RORA: variants seen among roughly 807,000 people sequenced by gnomAD.
RORA encodes the protein nuclear receptor ROR-alpha.
RORA carries 7 observed loss-of-function variants against 69.5 expected under a neutral mutation model. The observed-to-expected ratio is 0.10, with a 90% CI of 0.06 to 0.19. The LOEUF (loss-of-function observed/expected upper bound fraction) is 0.19. RORA is among the 10% of genes least tolerant of loss of function. The pLI is 1.00. For synonymous variants in RORA, 261 were observed against 240.8 expected, an observed-to-expected ratio of 1.08 and a Z score of -0.78; for missense variants, 457 against 663.0, an observed-to-expected ratio of 0.69 and a Z score of 3.41.
intron 1 of RORA, among the ~76,000 whole-genome samples, chr15:60,891,294 C>A (rs960023225): frequency 6.6e-6 from 1 of 152,106 alleles, no homozygotes; most frequent in Non-Finnish European, 1.5e-5. Flanking sequence ...TGTATGTGCA[C>A]GTGTGTGTGC....
chr15:61,043,199 T>G (rs1896866232), intron 1 of RORA, among the ~76,000 whole-genome samples: 1 of 152,160 alleles, frequency 6.6e-6, no homozygotes, highest in Admixed American at 6.5e-5. Context: ...GGGCAAACAT[T>G]CTGCCCCACG....
intron 1 of RORA, among the ~76,000 whole-genome samples, chr15:61,022,450 C>G (rs1451511596): frequency 6.6e-6 from 1 of 152,116 alleles, no homozygotes; most frequent in African/African-American, 2.4e-5. Context: ...ACCTTATAGG[C>G]ACCATCTTTT....
intron 2 of RORA, among the ~76,000 whole-genome samples, chr15:60,566,894 G>C (rs1330746415): frequency 6.6e-6 from 1 of 152,132 alleles, no homozygotes; most frequent in East Asian, 1.9e-4. Context: ...GGGTAGCCAG[G>C]TTGGCGGGAC....
intron 1 of RORA, among the ~76,000 whole-genome samples, chr15:61,227,343 G>T (rs944334685): frequency 1.3e-5 from 2 of 151,866 alleles, no homozygotes; most frequent in Non-Finnish European, 2.9e-5. Context: ...GCAGCCAAAA[G>T]CTCCCCGCAC....
chr15:60,886,663 T>C (rs568479873), intron 1 of RORA, among the ~76,000 whole-genome samples: 3 of 152,152 alleles, frequency 2.0e-5, no homozygotes, highest in Non-Finnish European at 2.9e-5. Context: ...CTAACAGTAA[T>C]GAAAAAAGCA....
chr15:60,974,162 C>T (rs1447584256), intron 1 of RORA, among the ~76,000 whole-genome samples: 1 of 152,194 alleles, frequency 6.6e-6, no homozygotes, highest in Non-Finnish European at 1.5e-5. Context: ...CCCTGGCCCC[C>T]GTGGAACCCA....
intron 7 of RORA, 106 bp downstream of exon 7, chr15:60,503,429 A>G (rs888176981): frequency 1.8e-6 from 2 of 1,100,958 alleles, no homozygotes; most frequent in African/African-American, 1.6e-5. Context: ...AGCTATTATC[A>G]TTGGAGAAAA....
At chr15:61,088,468 G>A (rs190090202) in intron 1 of RORA, among the ~76,000 whole-genome samples, 3 of 152,292 alleles carry the variant, frequency 2.0e-5, no homozygotes, top group Admixed American at 1.3e-4. Context: ...AGCAAAAAGC[G>A]GTGGGGGATG....
chr15:60,779,910 C>T (rs575448610), intron 1 of RORA, among the ~76,000 whole-genome samples: 1 of 152,294 alleles, frequency 6.6e-6, no homozygotes, highest in African/African-American at 2.4e-5. Context: ...TGGAGACACT[C>T]AGATTTCAGC....
chr15:60,719,588 C>T (rs546071303), intron 1 of RORA, among the ~76,000 whole-genome samples: 1 of 152,182 alleles, frequency 6.6e-6, no homozygotes. Flanking sequence ...ATCTTATGTG[C>T]ATTCCTTTAA....
rs200871618 is a variant in RORA, at chr15:60,979,277, T to A, written c.166+249776A>T. ...CCGCACCTAGCCCTTGCTTTTTTTTTTTTTTTTTTTTTTTCCAAGAATATT... is the reference window on the plus strand; with the variant it reads ...CCGCACCTAGCCCTTGCTTTTTTTTATTTTTTTTTTTTTTCCAAGAATATT... On this transcript the variant is annotated intron_variant, in intron 1 of 10. Coordinates refer to ENST00000335670, the MANE Select transcript of RORA (RefSeq NM_134261.3). Among the ~76,000 whole-genome samples, 40 of 139,218 alleles carry A rather than the reference T, an allele frequency of 2.9e-4. 1 individual carries two copies. The highest frequency in any genetic ancestry group is 9.3e-4 in the African/African-American group (32 of 34,366). The allele number at this position is 139,218 out of a possible 152,430, so 91.3% of individuals were successfully genotyped here.
At chr15:60,678,608 A>C (rs756186294) in intron 2 of RORA, 49 bp downstream of exon 2, 1 of 1,437,372 alleles carries the variant, frequency 7.0e-7, no homozygotes, top group Non-Finnish European at 9.8e-7. Context: ...ACATATGCGA[A>C]TTCCAACTCT....
At position 60,495,981 on chromosome 15, in the gene RORA, A is replaced by T. The variant is rs996249016; in HGVS notation, c.*1474T>A. The T allele has an allele frequency of 1.3e-5, 2 of 152,312 alleles. No individual in the cohort carries two copies. Among genetic ancestry groups the T allele is most frequent in the Non-Finnish European group, 1.5e-5 (1 of 68,030 alleles). 9.4% of individuals were successfully genotyped at this position (152,312 alleles called of 1,614,324 possible). A position where few individuals can be genotyped will look rare whatever the true frequency, so the allele number is the denominator to read the frequency against. On this transcript the variant is annotated 3_prime_UTR_variant, in exon 11 of 11. Transcript: ENST00000335670. ...TACAGTCCACAGTTTCCTAGTGAAG[A>T]TAAATACAAGAGTAAATGTTTGCAG...
Position 61,122,388 on chromosome 15 carries a change from T to A in RORA, c.166+106665A>T, listed in dbSNP as rs60132381. On this transcript the variant is annotated intron_variant, in intron 1 of 10. Coordinates refer to ENST00000335670, the MANE Select transcript of RORA (RefSeq NM_134261.3). The stretch of plus-strand genomic sequence containing the variant: ...TCTAAGAATCCAGACACAAGACCTA[T>A]GCAGCTGGAATATATTTTAAAGTGT... 3.2e-3 allele frequency among the ~76,000 whole-genome samples: 491 copies of A among 152,240 alleles called. 2 individuals carry two copies. Among genetic ancestry groups the A allele is most frequent in the African/African-American group, 0.011 (456 of 41,564 alleles).
intron 2 of RORA, among the ~76,000 whole-genome samples, chr15:60,573,400 C>T (rs1449930411): frequency 6.6e-6 from 1 of 152,228 alleles, no homozygotes; most frequent in Admixed American, 6.5e-5. Context: ...CAAATCATAA[C>T]ACAGAAGAGA....
intron 2 of RORA, among the ~76,000 whole-genome samples, chr15:60,573,585 G>A (rs946834462): frequency 3.3e-5 from 5 of 152,200 alleles, no homozygotes; most frequent in African/African-American, 1.2e-4. Flanking sequence ...TAGAATGAGG[G>A]TGAGAGCCTG....
At chr15:60,923,168 C>T (rs956800447) in intron 1 of RORA, among the ~76,000 whole-genome samples, 10 of 152,166 alleles carry the variant, frequency 6.6e-5, no homozygotes, top group Admixed American at 1.3e-4. Context: ...GAAGTCTGAA[C>T]AAAGGCCGGA....
intron 1 of RORA, among the ~76,000 whole-genome samples, chr15:61,015,363 C>T (rs1213254629): frequency 7.9e-5 from 12 of 152,012 alleles, no homozygotes; most frequent in Non-Finnish European, 1.3e-4. Context: ...TGTAAAATGC[C>T]TAAATCAGCA....
At chr15:60,708,771 T>C (rs1380502740) in intron 1 of RORA, among the ~76,000 whole-genome samples, 1 of 152,206 alleles carries the variant, frequency 6.6e-6, no homozygotes, top group Non-Finnish European at 1.5e-5. Flanking sequence ...GTTAGAATTA[T>C]TTATATATCA....
Sources: gnomAD v4.1 joint callset for allele counts (sites outside exome capture counted in the v4.1 genomes callset) on GRCh38, gnomAD v4.1.1 for gene constraint, MANE v1.5 for transcripts, NCBI Gene and HGNC (gene_info 2026-07-23, HGNC 2026-07-21) for gene names.